DPP6: variants seen among roughly 807,000 people sequenced by gnomAD.
DPP6 encodes A-type potassium channel modulatory protein DPP6.
In DPP6, 69 loss-of-function variants were observed where a neutral mutation model predicts 122.6. That is an observed-to-expected ratio of 0.56 (90% CI 0.46 to 0.69). DPP6 has a LOEUF of 0.69. Among genes scored for constraint, DPP6 ranks in the 30% least tolerant of loss-of-function variants. DPP6 has a pLI of 0.00. For synonymous variants in DPP6, 418 were observed against 433.1 expected, an observed-to-expected ratio of 0.97 and a Z score of 0.43; for missense variants, 928 against 1,116.9, an observed-to-expected ratio of 0.83 and a Z score of 2.41.
chr7:154,515,289 A>G (rs1402471836), intron 3 of DPP6, among the ~76,000 whole-genome samples: 1 of 152,106 alleles, frequency 6.6e-6, no homozygotes, highest in Non-Finnish European at 1.5e-5. Context: ...CTGGAATACC[A>G]TGTGATTGGA....
intron 1 of DPP6, among the ~76,000 whole-genome samples, chr7:154,378,895 G>A (rs999542745): frequency 2.6e-5 from 4 of 152,152 alleles, no homozygotes; most frequent in African/African-American, 9.7e-5. Flanking sequence ...TAAACCATCA[G>A]ATCTTGTGAA....
chr7:154,002,459 G>A (rs1797731209), intron 1 of DPP6, among the ~76,000 whole-genome samples: 1 of 152,200 alleles, frequency 6.6e-6, no homozygotes, highest in Non-Finnish European at 1.5e-5. Context: ...AATTCCTGCA[G>A]AATTTGGCTA....
chr7:154,428,871 G>A (rs1818124525), intron 1 of DPP6, among the ~76,000 whole-genome samples: 1 of 152,118 alleles, frequency 6.6e-6, no homozygotes, highest in South Asian at 2.1e-4. Flanking sequence ...AGGGGTATGA[G>A]GGATAAAAAG....
At chr7:153,941,480 G>T (rs1449921196) in intron 1 of DPP6, among the ~76,000 whole-genome samples, 3 of 152,148 alleles carry the variant, frequency 2.0e-5, no homozygotes, top group African/African-American at 7.2e-5. Flanking sequence ...TCCAGGCCTG[G>T]ATCCCACAGC....
chr7:154,167,650 G>A (rs1797321972), intron 1 of DPP6, among the ~76,000 whole-genome samples: 1 of 152,192 alleles, frequency 6.6e-6, no homozygotes, highest in South Asian at 2.1e-4. Flanking sequence ...AGGGGGTTAG[G>A]TAGCTGTTTT....
chr7:154,625,844 C>T (rs1376123807), intron 5 of DPP6, among the ~76,000 whole-genome samples: 1 of 152,234 alleles, frequency 6.6e-6, no homozygotes, highest in Non-Finnish European at 1.5e-5. Flanking sequence ...CATCTCCCAG[C>T]ACCTGTTTTG....
At chr7:154,226,511 G>A (rs1259131372) in intron 1 of DPP6, among the ~76,000 whole-genome samples, 1 of 152,176 alleles carries the variant, frequency 6.6e-6, no homozygotes, top group Non-Finnish European at 1.5e-5. Flanking sequence ...TCTTCGGGGG[G>A]CCTTTCTAAT....
In DPP6 at chr7:154,734,236, G is replaced by T. The variant is rs147892445; in HGVS notation, c.883+6349G>T. ...GTGTGCTCCTGGCTTCGCCTCCTGA[G>T]CAGCTGGGACTGCAGGAACCTGCCA... is the stretch of plus-strand genomic sequence containing the variant. On this transcript the variant is annotated intron_variant, in intron 8 of 25. Coordinates refer to ENST00000377770, the MANE Select transcript of DPP6 (RefSeq NM_130797.4). Among the ~76,000 whole-genome samples, 943 of 152,338 alleles carry T rather than the reference G, an allele frequency of 6.2e-3. 15 individuals carry two copies. The highest frequency in any genetic ancestry group is 0.022 in the African/African-American group (904 of 41,576).
chr7:154,178,859 G>T (rs892050998), intron 1 of DPP6, among the ~76,000 whole-genome samples: 2 of 152,296 alleles, frequency 1.3e-5, no homozygotes, highest in African/African-American at 4.8e-5. Context: ...GAGAGGAGAA[G>T]TTGGCATGTC....
intron 1 of DPP6, among the ~76,000 whole-genome samples, chr7:154,116,407 T>A (rs116352433): frequency 2.1e-3 from 326 of 152,382 alleles, no homozygotes; most frequent in African/African-American, 7.2e-3. Context: ...AGGAACCATT[T>A]ATGTTCTGGC....
At chr7:154,867,680 A>T (rs1002830848) in intron 17 of DPP6, among the ~76,000 whole-genome samples, 1 of 152,236 alleles carries the variant, frequency 6.6e-6, no homozygotes, top group Admixed American at 6.5e-5. Context: ...ACCAGCAGTC[A>T]TGGGAAGAAT....
intron 1 of DPP6, among the ~76,000 whole-genome samples, chr7:154,040,488 A>G (rs1435236582): frequency 1.3e-5 from 2 of 149,668 alleles, no homozygotes; most frequent in Admixed American, 1.3e-4. Context: ...TAGACTCTGC[A>G]TGTAGAATCT....
intron 4 of DPP6, among the ~76,000 whole-genome samples, 179 bp from the exon 5 acceptor site, chr7:154,566,663 A>G (rs923288826): frequency 6.6e-6 from 1 of 152,228 alleles, no homozygotes; most frequent in Non-Finnish European, 1.5e-5. Flanking sequence ...GAAAAAAAAT[A>G]CAAATAAAAT....
intron 1 of DPP6, among the ~76,000 whole-genome samples, chr7:154,022,435 A>G (rs1283600101): frequency 6.6e-6 from 1 of 152,212 alleles, no homozygotes; most frequent in African/African-American, 2.4e-5. Context: ...AAAAAGGGGA[A>G]GAAACTGGAG....
intron 5 of DPP6, among the ~76,000 whole-genome samples, chr7:154,584,602 G>A (rs549935890): frequency 2.0e-4 from 30 of 152,328 alleles, no homozygotes; most frequent in African/African-American, 6.5e-4. Flanking sequence ...TTGCCACGTC[G>A]CTCGGGACGC....
chr7:154,250,459 T>C (rs1328737826), intron 1 of DPP6, among the ~76,000 whole-genome samples: 2 of 151,916 alleles, frequency 1.3e-5, no homozygotes, highest in East Asian at 1.9e-4. Flanking sequence ...AGAGAGTTTA[T>C]CTCAGAAGTC....
chr7:154,378,489 G>C (rs934265152), intron 1 of DPP6, among the ~76,000 whole-genome samples: 17 of 152,164 alleles, frequency 1.1e-4, no homozygotes, highest in Non-Finnish European at 2.5e-4. Flanking sequence ...CTGGTGGATG[G>C]GAAGTTCAAG....
At chr7:154,653,015 T>C (rs532837400) in intron 6 of DPP6, among the ~76,000 whole-genome samples, 1 of 152,216 alleles carries the variant, frequency 6.6e-6, no homozygotes, top group Non-Finnish European at 1.5e-5. Context: ...AACTACAGTG[T>C]TCCCCTGTCT....
intron 1 of DPP6, among the ~76,000 whole-genome samples, chr7:153,923,056 A>G (rs1462536342): frequency 6.6e-6 from 1 of 152,232 alleles, no homozygotes; most frequent in Admixed American, 6.5e-5. Context: ...AGCAAATGCA[A>G]TGCTTGGACC....
Sources: allele counts gnomAD v4.1 joint callset (sites outside exome capture counted in the v4.1 genomes callset), GRCh38; gene constraint gnomAD v4.1.1; transcripts MANE v1.5; gene names NCBI Gene and HGNC (gene_info 2026-07-23, HGNC 2026-07-21).